CRCP: variants seen among roughly 807,000 people sequenced by gnomAD.
CRCP encodes DNA-directed RNA polymerase III subunit RPC9.
In CRCP, 18 loss-of-function variants were observed where a neutral mutation model predicts 18.5. The ratio of observed to expected loss-of-function variants is 0.97; its 90% confidence interval spans 0.67 to 1.44. The LOEUF (loss-of-function observed/expected upper bound fraction) is 1.44, where lower values mean the gene tolerates loss of function less well. Ranked by LOEUF, CRCP falls within the 40% of genes most tolerant of loss-of-function variation. The pLI is 0.00. For missense variants in CRCP, 130 were observed against 176.4 expected, an observed-to-expected ratio of 0.74 and a Z score of 1.49; for synonymous variants, 53 against 62.9, an observed-to-expected ratio of 0.84 and a Z score of 0.75.
chr7:66,114,844 C>T (rs778240260), upstream of CRCP: 5 of 1,595,526 alleles, frequency 3.1e-6, no homozygotes, highest in Non-Finnish European at 4.3e-6. Flanking sequence ...GCGCGGCGAT[C>T]CCGGCGAGCA....
rs1004266064 is a variant in CRCP at position 66,153,189 on chromosome 7, G to C, written c.*832G>C. ...ACGGTGACTCATGCTTGTAATCCCA[G>C]CACTTTGGGAGGGCAAGGCAGGCGG... is the stretch of plus-strand genomic sequence containing the variant. On this transcript the variant is annotated 3_prime_UTR_variant, in exon 6 of 6. Coordinates refer to ENST00000395326, the MANE Select transcript of CRCP (RefSeq NM_014478.5). 5.9e-5 allele frequency: 9 copies of C among 152,804 alleles called. No individual in the cohort carries two copies. The highest frequency in any genetic ancestry group is 2.2e-4 in the African/African-American group (9 of 41,576). The allele number at this position is 152,804 out of a possible 1,614,324, so 9.5% of individuals were successfully genotyped here. A position where few individuals can be genotyped will look rare whatever the true frequency, so the allele number is the denominator to read the frequency against.
At position 66,134,367 on chromosome 7, in the gene CRCP, T is replaced by C; in HGVS notation, c.232T>C (p.Leu78=). The part of the protein sequence containing the change: ...EFLTALKSHK[L]TKAEKLQLLN... The stretch of plus-strand genomic sequence containing the variant: ...TCTCACAGCATTGAAAAGCCACAAG[T>C]TGACCAAGTAAGTAAATCTCTTAAG... Residue 78 remains leucine, a synonymous_variant, in exon 4 of 6, where the codon TTG becomes CTG. Coordinates refer to ENST00000395326, the MANE Select transcript of CRCP (RefSeq NM_014478.5). 6.2e-7 allele frequency: 1 copy of C among 1,604,326 alleles called. No individual in the cohort carries two copies. Among genetic ancestry groups the C allele is most frequent in the Non-Finnish European group, 8.5e-7 (1 of 1,174,140 alleles).
chr7:66,121,327 A>G lies in CRCP; in HGVS notation c.8+6357A>G, dbSNP rs540764152. On this transcript the variant is annotated intron_variant, in intron 1 of 5. Coordinates refer to ENST00000395326, the MANE Select transcript of CRCP (RefSeq NM_014478.5). ...CGGCCTCCGAAAGTGCTGGGATTAC[A>G]GGCATGAGCCACCGCGCTGGCCCAG... Among the ~76,000 whole-genome samples, 303 of 152,264 alleles carry G rather than the reference A, an allele frequency of 2.0e-3. 1 individual carries two copies. The highest frequency in any genetic ancestry group is 6.7e-3 in the African/African-American group (277 of 41,554).
intron 2 of CRCP, among the ~76,000 whole-genome samples, 160 bp downstream of exon 2, chr7:66,127,900 C>A (rs1787663115): frequency 6.6e-6 from 1 of 152,108 alleles, no homozygotes; most frequent in South Asian, 2.1e-4. Context: ...CACTTGAGGT[C>A]AGGAGTTCAA....
At chr7:66,141,707 G>A (rs553008794) in intron 4 of CRCP, among the ~76,000 whole-genome samples, 1 of 152,300 alleles carries the variant, frequency 6.6e-6, no homozygotes, top group South Asian at 2.1e-4. Flanking sequence ...AGCAGCCGCT[G>A]GATTTGTCCG....
intron 1 of CRCP, chr7:66,120,784 C>T (rs34888281): frequency 0.36 from 54,362 of 151,924 alleles, 11,114 homozygotes; most frequent in Non-Finnish European, 0.47. Flanking sequence ...GAGAATATAC[C>T]CACGTATGTG....
At chr7:66,122,800 A>T (rs1584061969) in intron 1 of CRCP, among the ~76,000 whole-genome samples, 1 of 152,142 alleles carries the variant, frequency 6.6e-6, no homozygotes. Context: ...CTCTTGCCTG[A>T]GCTTGCAGAT....
intron 4 of CRCP, among the ~76,000 whole-genome samples, chr7:66,137,849 T>C (rs1788015119): frequency 6.6e-6 from 1 of 152,242 alleles, no homozygotes; most frequent in Non-Finnish European, 1.5e-5. Context: ...ACCTTCTTTT[T>C]GTGTTATGGT....
In CRCP at chr7:66,152,467, G is replaced by A; in HGVS notation, c.*110G>A. 7.9e-7 allele frequency: 1 copy of A among 1,270,160 alleles called. No homozygotes were observed. The highest frequency in any genetic ancestry group is 1.1e-6 in the Non-Finnish European group (1 of 920,572). 78.7% of individuals were successfully genotyped at this position (1,270,160 alleles called of 1,614,324 possible). On this transcript the variant is annotated 3_prime_UTR_variant, in exon 6 of 6. Coordinates refer to ENST00000395326, the MANE Select transcript of CRCP (RefSeq NM_014478.5). The stretch of plus-strand genomic sequence containing the variant: ...TTTTATCCTCATCCCAGCAGGCCTG[G>A]CTTTGTGGTTAGTTGGGTACATCAC...
At chr7:66,126,346 A>T (rs1584068765) in intron 1 of CRCP, among the ~76,000 whole-genome samples, 1 of 108,014 alleles carries the variant, frequency 9.3e-6, no homozygotes, top group South Asian at 3.2e-4. Context: ...AAGAACATAC[A>T]GAGGTCTCTG....
chr7:66,123,992 C>G (rs1171323995), intron 1 of CRCP, among the ~76,000 whole-genome samples: 1 of 127,016 alleles, frequency 7.9e-6, no homozygotes, highest in Non-Finnish European at 1.6e-5. Flanking sequence ...TTGCAGTGAG[C>G]CGAGATCGCG....
At position 66,152,202 on chromosome 7, in the gene CRCP, C is replaced by A; in HGVS notation, c.298-6C>A. The A allele has an allele frequency of 1.9e-6, 3 of 1,614,038 alleles. No homozygotes were observed. The highest frequency in any genetic ancestry group is 2.5e-6 in the Non-Finnish European group (3 of 1,179,986). ...TAACCCTGGAGGATTTTCTTTCCTTCTGCAGATGGTGGAAGAGAGTGAAGA... is the reference window on the plus strand; with the variant it reads ...TAACCCTGGAGGATTTTCTTTCCTTATGCAGATGGTGGAAGAGAGTGAAGA... On this transcript the variant is annotated splice_region_variant and splice_polypyrimidine_tract_variant and intron_variant, in intron 5 of 5. Coordinates refer to ENST00000395326, the MANE Select transcript of CRCP (RefSeq NM_014478.5).
chr7:66,145,763 G>A (rs1256658536), intron 5 of CRCP, among the ~76,000 whole-genome samples: 1 of 152,214 alleles, frequency 6.6e-6, no homozygotes, highest in Non-Finnish European at 1.5e-5. Flanking sequence ...GGCCATTCTG[G>A]CCATTGCTTC....
chr7:66,119,396 G>A (rs935704799), intron 1 of CRCP, among the ~76,000 whole-genome samples: 2 of 152,146 alleles, frequency 1.3e-5, no homozygotes, highest in Admixed American at 1.3e-4. Context: ...GGTGTTTTGT[G>A]AGCCATTCTA....
intron 1 of CRCP, among the ~76,000 whole-genome samples, chr7:66,116,932 C>T (rs1787282786): frequency 6.6e-6 from 1 of 152,042 alleles, no homozygotes; most frequent in Non-Finnish European, 1.5e-5. Context: ...ACCAGCCTGG[C>T]CAACATGGCA....
chr7:66,133,858 CTTT>C (rs751345422), intron 3 of CRCP, among the ~76,000 whole-genome samples: 6 of 96,706 alleles, frequency 6.2e-5, no homozygotes, highest in South Asian at 3.1e-4. Flanking sequence ...TTTTTGTTTT[CTTT>C]TTTTTTTTTT....
Position 66,154,009 on chromosome 7 carries a change from C to G in CRCP, c.*1652C>G. 1 of 151,344 alleles carries G rather than the reference C, an allele frequency of 6.6e-6. No individual in the cohort carries two copies. The highest frequency in any genetic ancestry group is 1.5e-5 in the Non-Finnish European group (1 of 67,926). The allele number at this position is 151,344 out of a possible 1,614,324, so 9.4% of individuals were successfully genotyped here. A position where few individuals can be genotyped will look rare whatever the true frequency, so the allele number is the denominator to read the frequency against. On this transcript the variant is annotated 3_prime_UTR_variant, in exon 6 of 6. Transcript: ENST00000395326. ...CGGGGAGGCAGAGGTTGCAGTGAGC[C>G]AGATCGTGCATTGCACTCCAGCCTG...
chr7:66,116,432 T>C (rs1379583410), intron 1 of CRCP, among the ~76,000 whole-genome samples: 1 of 145,816 alleles, frequency 6.9e-6, no homozygotes, highest in Non-Finnish European at 1.5e-5. Flanking sequence ...GAGGCTGCAA[T>C]GAGCTGAGAT....
chr7:66,145,779 A>T (rs2116029814), intron 5 of CRCP, among the ~76,000 whole-genome samples: 1 of 152,216 alleles, frequency 6.6e-6, no homozygotes, highest in East Asian at 1.9e-4. Flanking sequence ...GCTTCCCTGT[A>T]GGCGTTGTTG....
Sources: gnomAD v4.1 joint callset for allele counts (sites outside exome capture counted in the v4.1 genomes callset) on GRCh38, gnomAD v4.1.1 for gene constraint, MANE v1.5 for transcripts, NCBI Gene and HGNC (gene_info 2026-07-23, HGNC 2026-07-21) for gene names.